Variants in PCNX2 observed in about 807,000 individuals in gnomAD.
PCNX2 encodes the protein pecanex 2, also known as pecanex-like protein 2.
In PCNX2, 168 loss-of-function variants were observed where a neutral mutation model predicts 223.8. The observed-to-expected ratio is 0.75, with a 90% CI of 0.66 to 0.85. The LOEUF (loss-of-function observed/expected upper bound fraction) is 0.85, where lower values mean the gene tolerates loss of function less well. Among genes scored for constraint, PCNX2 ranks in the 40% least tolerant of loss-of-function variants. PCNX2 has a pLI of 0.00. For synonymous variants in PCNX2, 1,006 were observed against 1,052.6 expected (o/e 0.96, Z 0.86); for missense variants, 2,507 against 2,675.5 (o/e 0.94, Z 1.39).
chr1:233,158,692 T>C (rs183073159), intron 19 of PCNX2, among the ~76,000 whole-genome samples: 3 of 152,320 alleles, frequency 2.0e-5, no homozygotes, highest in East Asian at 1.9e-4. Context: ...GATATAAATA[T>C]AGATATAGAT....
chr1:233,316,097 A>G, the PCNX2 span, among the ~76,000 whole-genome samples: 1 of 152,216 alleles, frequency 6.6e-6, no homozygotes, highest in Non-Finnish European at 1.5e-5. Flanking sequence ...TTGTTGCATT[A>G]TTGAATGAAG....
At chr1:233,180,721 G>A (rs1323333708) in intron 15 of PCNX2, 1 of 152,076 alleles carries the variant, frequency 6.6e-6, no homozygotes, top group Non-Finnish European at 1.5e-5. Context: ...TCCCCATTGT[G>A]GAAGTCTAAA....
intron 21 of PCNX2, among the ~76,000 whole-genome samples, chr1:233,114,946 G>A (rs917587333): frequency 3.9e-5 from 6 of 152,018 alleles, no homozygotes; most frequent in African/African-American, 9.7e-5. Context: ...ATCCCCTCAC[G>A]GCTCTGGTAG....
intron 25 of PCNX2, among the ~76,000 whole-genome samples, chr1:233,032,314 G>A (rs1671298272): frequency 6.6e-6 from 1 of 152,124 alleles, no homozygotes; most frequent in Non-Finnish European, 1.5e-5. Context: ...TGTTGGTCAT[G>A]CTGGTCTCAA....
intron 15 of PCNX2, 64 bp downstream of exon 15, chr1:233,198,875 G>C: frequency 7.0e-7 from 1 of 1,418,608 alleles, no homozygotes; most frequent in Non-Finnish European, 9.7e-7. Flanking sequence ...ACATTCATTT[G>C]TTTAAAAAAA....
rs566988613 is a variant in PCNX2, at chr1:233,167,793, A to C, written c.3274-6430T>G. 51 of 984,092 alleles carry C rather than the reference A, an allele frequency of 5.2e-5. No homozygotes were observed. In the South Asian group the frequency reaches 2.1e-3, roughly 40 times the overall value. 61.0% of individuals were successfully genotyped at this position (984,092 alleles called of 1,614,324 possible). The stretch of plus-strand genomic sequence containing the variant: ...TGTCCTGTGAAAGCAGCCTTTAATA[A>C]GCTCTAAAAAGTTTGTAACTTTGGT... On this transcript the variant is annotated intron_variant, in intron 17 of 33. Coordinates refer to ENST00000258229, the MANE Select transcript of PCNX2 (RefSeq NM_014801.4).
chr1:233,024,928 G>C (rs1671028310), intron 26 of PCNX2, among the ~76,000 whole-genome samples: 1 of 152,142 alleles, frequency 6.6e-6, no homozygotes, highest in Non-Finnish European at 1.5e-5. Flanking sequence ...ACTGCTTATT[G>C]GTGCCTAAGC....
At chr1:233,165,800 T>C (rs923952619) in intron 17 of PCNX2, among the ~76,000 whole-genome samples, 1 of 152,124 alleles carries the variant, frequency 6.6e-6, no homozygotes, top group Non-Finnish European at 1.5e-5. Context: ...ACAAAACTGA[T>C]TGATAAATTC....
chr1:233,272,177 A>C (rs1263294561), intron 1 of PCNX2, among the ~76,000 whole-genome samples: 2 of 152,178 alleles, frequency 1.3e-5, no homozygotes, highest in Non-Finnish European at 2.9e-5. Context: ...TTGAACAGCA[A>C]AAGAAACAAT....
intron 17 of PCNX2, among the ~76,000 whole-genome samples, chr1:233,164,798 G>A (rs1377789483): frequency 6.6e-6 from 1 of 151,904 alleles, no homozygotes; most frequent in East Asian, 1.9e-4. Context: ...AAATACCACT[G>A]AGTTCACTTA....
At position 233,172,609 on chromosome 1, in the gene PCNX2, A is replaced by G. The variant is rs555282052; in HGVS notation, c.3273+5193T>C. The G allele has an allele frequency of 1.9e-4, 176 of 926,394 alleles. 1 individual carries two copies. The highest frequency in any genetic ancestry group is 2.2e-4 in the Non-Finnish European group (171 of 776,378). 57.4% of individuals were successfully genotyped at this position (926,394 alleles called of 1,614,324 possible). On this transcript the variant is annotated intron_variant, in intron 17 of 33. Coordinates refer to ENST00000258229, the MANE Select transcript of PCNX2 (RefSeq NM_014801.4). Reference sequence around the variant, plus strand: ...GCATTGGACACCCACCTGGGCTTCAATTCCTGTTCTCCATAGTTCGAGGTC... The same window carrying G: ...GCATTGGACACCCACCTGGGCTTCAGTTCCTGTTCTCCATAGTTCGAGGTC...
At chr1:233,153,017 T>C (rs1340741517) in intron 19 of PCNX2, among the ~76,000 whole-genome samples, 5 of 152,216 alleles carry the variant, frequency 3.3e-5, no homozygotes, top group African/African-American at 7.2e-5. Context: ...CATAACATTA[T>C]AATTATCTCC....
chr1:233,005,977 T>C (rs1670270405), intron 28 of PCNX2, among the ~76,000 whole-genome samples: 1 of 152,006 alleles, frequency 6.6e-6, no homozygotes, highest in Non-Finnish European at 1.5e-5. Flanking sequence ...TCATAGTCGG[T>C]CAGCTGGGAA....
chr1:233,222,734 C>T lies in PCNX2; in HGVS notation c.2504+4492G>A, dbSNP rs150991952. 2.5e-3 allele frequency among the ~76,000 whole-genome samples: 380 copies of T among 152,118 alleles called. 4 individuals are homozygous for T. Among genetic ancestry groups the T allele is most frequent in the African/African-American group, 8.0e-3 (330 of 41,466 alleles). ...CTGAATGCAGGTGTGAAAGGAAAGA[C>T]GACTCAAGGACGACTCCAAGATATT... On this transcript the variant is annotated intron_variant, in intron 10 of 33. Coordinates refer to ENST00000258229, the MANE Select transcript of PCNX2 (RefSeq NM_014801.4).
intron 12 of PCNX2, 139 bp downstream of exon 12, chr1:233,217,760 A>G: frequency 1.2e-6 from 1 of 845,264 alleles, no homozygotes; most frequent in Non-Finnish European, 1.8e-6. Flanking sequence ...ACTTATATAT[A>G]TATATATTTG....
intron 21 of PCNX2, among the ~76,000 whole-genome samples, chr1:233,123,029 G>A (rs999453205): frequency 2.6e-5 from 4 of 152,144 alleles, no homozygotes; most frequent in Non-Finnish European, 4.4e-5. Context: ...GCCAAGAGGA[G>A]CCTAAGGAAA....
At chr1:233,080,642 G>T (rs927837022) in intron 23 of PCNX2, among the ~76,000 whole-genome samples, 11 of 152,058 alleles carry the variant, frequency 7.2e-5, no homozygotes, top group Non-Finnish European at 5.9e-5. Context: ...AAAGGGGCTA[G>T]AGAGCTCTCT....
chr1:233,087,010 G>T (rs748352255), intron 23 of PCNX2: 1 of 984,782 alleles, frequency 1.0e-6, no homozygotes, highest in African/African-American at 1.7e-5. Context: ...GCAGACAGGG[G>T]ACACATTTGT....
chr1:233,136,070 A>G (rs1369021261), intron 20 of PCNX2, among the ~76,000 whole-genome samples: 1 of 152,224 alleles, frequency 6.6e-6, no homozygotes, highest in Non-Finnish European at 1.5e-5. Flanking sequence ...TGGAGGGCAA[A>G]TGATCACATG....
Sources: allele counts gnomAD v4.1 joint callset (sites outside exome capture counted in the v4.1 genomes callset), GRCh38; gene constraint gnomAD v4.1.1; transcripts MANE v1.5; gene names NCBI Gene and HGNC (gene_info 2026-07-23, HGNC 2026-07-21).